The following SUPT3H variants were observed in gnomAD, a reference collection of about 807,000 sequenced individuals.
SUPT3H encodes the protein transcription initiation protein SPT3 homolog.
A neutral mutation model predicts 44.3 loss-of-function variants in SUPT3H; 44 were observed. The ratio of observed to expected loss-of-function variants is 0.99; its 90% CI spans 0.78 to 1.28. SUPT3H has a LOEUF of 1.28. Among genes scored for constraint, SUPT3H ranks in the 50% most tolerant of loss-of-function variants. The pLI, the probability that SUPT3H is intolerant of heterozygous loss-of-function variation, is 0.00. For synonymous variants in SUPT3H, 124 were observed against 125.6 expected, an observed-to-expected ratio of 0.99 and a Z score of 0.09; for missense variants, 380 against 387.1, an observed-to-expected ratio of 0.98 and a Z score of 0.15.
intron 2 of SUPT3H, among the ~76,000 whole-genome samples, chr6:45,185,602 C>G (rs943787004): frequency 6.6e-6 from 1 of 152,136 alleles, no homozygotes; most frequent in African/African-American, 2.4e-5. Flanking sequence ...TTCACCAGCC[C>G]CTGTAAGACA....
At chr6:44,845,471 G>A (rs988818944) in intron 10 of SUPT3H, among the ~76,000 whole-genome samples, 2 of 152,154 alleles carry the variant, frequency 1.3e-5, no homozygotes, top group African/African-American at 2.4e-5. Context: ...ATGGAAGAGG[G>A]GCAAAGAAGT....
intron 2 of SUPT3H, among the ~76,000 whole-genome samples, chr6:45,357,666 AAACT>A (rs973490242): frequency 2.6e-5 from 4 of 152,154 alleles, no homozygotes; most frequent in African/African-American, 2.4e-5. Context: ...TGGTACATTT[AAACT>A]AACAAGTTTT....
chr6:45,329,962 A>C (rs1344100007), intron 2 of SUPT3H, among the ~76,000 whole-genome samples: 1 of 151,824 alleles, frequency 6.6e-6, no homozygotes, highest in Non-Finnish European at 1.5e-5. Flanking sequence ...ACTTACAACT[A>C]ATGACTGGAG....
chr6:44,811,905 C>T (rs1316801351), intron 11 of SUPT3H, among the ~76,000 whole-genome samples: 1 of 149,316 alleles, frequency 6.7e-6, no homozygotes, highest in Non-Finnish European at 1.5e-5. Flanking sequence ...CCTATGCTTT[C>T]ACTTTCCTAG....
intron 2 of SUPT3H, among the ~76,000 whole-genome samples, chr6:45,276,992 A>G (rs1358352984): frequency 6.6e-6 from 1 of 152,222 alleles, no homozygotes; most frequent in African/African-American, 2.4e-5. Context: ...TATTTTCTAT[A>G]AGCTTTTCTT....
At chr6:45,150,460 C>G (rs1806745058) in intron 2 of SUPT3H, among the ~76,000 whole-genome samples, 1 of 152,096 alleles carries the variant, frequency 6.6e-6, no homozygotes, top group Non-Finnish European at 1.5e-5. Context: ...TACTAAAACA[C>G]AGCTGAGTAG....
chr6:45,128,525 AAAAAAAAAATATAT>A (rs1239060146), intron 2 of SUPT3H, among the ~76,000 whole-genome samples: 61 of 66,704 alleles, frequency 9.1e-4, no homozygotes, highest in Middle Eastern at 9.6e-3. Flanking sequence ...AAAAAAAAAA[AAAAAAAAAATATAT>A]ATATATATAT....
chr6:44,878,620 C>T lies in SUPT3H; in HGVS notation c.913-48763G>A, dbSNP rs149457794. Among the ~76,000 whole-genome samples the T allele has an allele frequency of 8.0e-4, 121 of 152,186 alleles. 1 individual carries two copies. Among genetic ancestry groups the T allele is most frequent in the African/African-American group, 2.7e-3 (113 of 41,512 alleles). On this transcript the variant is annotated intron_variant, in intron 10 of 10. Coordinates refer to ENST00000371459, the MANE Select transcript of SUPT3H (RefSeq NM_003599.4). ...TAATATAAAATGGTATAGCTGCTCT[C>T]GGGTGTGGATGGCAAGATGGCTGAA...
chr6:44,923,379 C>A (rs1769028088), intron 10 of SUPT3H, among the ~76,000 whole-genome samples: 1 of 152,008 alleles, frequency 6.6e-6, no homozygotes, highest in African/African-American at 2.4e-5. Context: ...GTTTGAATGT[C>A]TATCACAATT....
At chr6:45,069,607 A>G (rs534176804) in intron 3 of SUPT3H, among the ~76,000 whole-genome samples, 32 of 152,228 alleles carry the variant, frequency 2.1e-4, no homozygotes, top group African/African-American at 7.7e-4. Context: ...TCACCTTCCT[A>G]TTTCCTAGAA....
intron 10 of SUPT3H, among the ~76,000 whole-genome samples, chr6:44,866,938 C>T (rs561997122): frequency 6.6e-6 from 1 of 152,244 alleles, no homozygotes; most frequent in East Asian, 1.9e-4. Flanking sequence ...GTAATAAAGA[C>T]TATCACAATT....
chr6:45,286,241 G>C (rs1259938999), intron 2 of SUPT3H, among the ~76,000 whole-genome samples: 19 of 151,998 alleles, frequency 1.3e-4, no homozygotes, highest in South Asian at 6.2e-4. Context: ...CCAAAATTGA[G>C]AAATGGGATC....
intron 7 of SUPT3H, among the ~76,000 whole-genome samples, chr6:44,957,086 T>G (rs987184091): frequency 2.0e-5 from 3 of 152,160 alleles, no homozygotes; most frequent in African/African-American, 7.2e-5. Flanking sequence ...AGGGAAAGAT[T>G]GATAGTGAAG....
At chr6:44,994,760 G>A (rs1781057557) in intron 6 of SUPT3H, among the ~76,000 whole-genome samples, 1 of 152,058 alleles carries the variant, frequency 6.6e-6, no homozygotes, top group Non-Finnish European at 1.5e-5. Flanking sequence ...TGAAGATTAG[G>A]CCAACAAAAA....
intron 10 of SUPT3H, among the ~76,000 whole-genome samples, chr6:44,871,117 C>T (rs965238504): frequency 1.3e-5 from 2 of 150,634 alleles, no homozygotes; most frequent in African/African-American, 4.9e-5. Flanking sequence ...AAAAAGCAGC[C>T]GGGAAGCTCG....
intron 6 of SUPT3H, among the ~76,000 whole-genome samples, chr6:44,998,920 T>C (rs765348126): frequency 1.3e-5 from 2 of 152,070 alleles, no homozygotes; most frequent in Non-Finnish European, 1.5e-5. Flanking sequence ...CAAAGCTTTG[T>C]CTACACTTGT....
At chr6:44,984,358 C>A (rs1226712021) in intron 6 of SUPT3H, among the ~76,000 whole-genome samples, 2 of 151,912 alleles carry the variant, frequency 1.3e-5, no homozygotes, top group East Asian at 3.9e-4. Flanking sequence ...AAAAATTAAG[C>A]CTATGTAGAG....
At chr6:45,145,950 T>C (rs577120401) in intron 2 of SUPT3H, among the ~76,000 whole-genome samples, 10 of 152,010 alleles carry the variant, frequency 6.6e-5, no homozygotes, top group African/African-American at 2.2e-4. Context: ...GAAATGCAAA[T>C]CAAAACCATA....
At chr6:45,365,083 A>C (rs1164504693) in intron 2 of SUPT3H, 118 bp downstream of exon 2, 5 of 684,702 alleles carry the variant, frequency 7.3e-6, no homozygotes, top group Non-Finnish European at 1.1e-5. Flanking sequence ...TTTCATTTTT[A>C]CTTGATTAAT....
Sources: gnomAD v4.1 joint callset for allele counts (sites outside exome capture counted in the v4.1 genomes callset) on GRCh38, gnomAD v4.1.1 for gene constraint, MANE v1.5 for transcripts, NCBI Gene and HGNC (gene_info 2026-07-23, HGNC 2026-07-21) for gene names.